MYT1L: variants seen among roughly 807,000 people sequenced by gnomAD.
MYT1L encodes myelin transcription factor 1 like, also known as myelin transcription factor 1-like protein.
A neutral mutation model predicts 126.7 loss-of-function variants in MYT1L; 12 were observed. The observed-to-expected ratio is 0.09, with a 90% CI of 0.06 to 0.15. The LOEUF is 0.15. Ranked by LOEUF, MYT1L falls within the 10% of genes least tolerant of loss-of-function variation. The probability of loss-of-function intolerance (pLI) is 1.00; values close to 1 mark genes in which losing one functional copy is unlikely to be tolerated. For synonymous variants in MYT1L, 541 were observed against 604.2 expected (o/e 0.90, Z 1.53); for missense variants, 979 against 1,585.2 (o/e 0.62, Z 6.49).
intron 1 of MYT1L, among the ~76,000 whole-genome samples, chr2:2,295,007 AC>A: frequency 6.6e-6 from 1 of 152,212 alleles, no homozygotes; most frequent in Middle Eastern, 3.4e-3. Context: ...TCAGGCAGAG[AC>A]CGGATCAGCA....
At chr2:2,045,668 TA>T (rs2068092688) in intron 4 of MYT1L, among the ~76,000 whole-genome samples, 1 of 152,220 alleles carries the variant, frequency 6.6e-6, no homozygotes, top group South Asian at 2.1e-4. Flanking sequence ...CATGTAGTTG[TA>T]CTGTGAATGC....
intron 19 of MYT1L, among the ~76,000 whole-genome samples, chr2:1,849,068 TAA>T (rs977410434): frequency 3.9e-5 from 6 of 151,940 alleles, no homozygotes; most frequent in Non-Finnish European, 7.4e-5. Flanking sequence ...TGTGCTATAT[TAA>T]GACTTAACAG....
intron 3 of MYT1L, among the ~76,000 whole-genome samples, chr2:2,138,785 G>GTATACA (rs1422369294): frequency 1.4e-5 from 2 of 148,046 alleles, no homozygotes; most frequent in African/African-American, 5.0e-5. Context: ...CATGGCACAT[G>GTATACA]TATACATATG....
Position 1,979,647 on chromosome 2 carries a change from G to A in MYT1L, c.55+76C>T, listed in dbSNP as rs1251266183. 6.2e-7 allele frequency: 1 copy of A among 1,604,174 alleles called. No homozygotes were observed. ...ACCAAAAGGGTGGCATGAAAGTGGG[G>A]TCAGAATCGACCTCAGTTCCGCAGG... On this transcript the variant is annotated intron_variant, in intron 6 of 24. Coordinates refer to ENST00000647738, the MANE Select transcript of MYT1L (RefSeq NM_001303052.2). The surrounding 1 kb of genome is among the most constrained non-coding windows in gnomAD (Gnocchi z 4.0).
chr2:2,210,547 A>G (rs2093469379), intron 2 of MYT1L, among the ~76,000 whole-genome samples: 2 of 151,922 alleles, frequency 1.3e-5, no homozygotes, highest in South Asian at 2.1e-4. Context: ...AGGTATAAGG[A>G]TTTGCTTCTG....
chr2:2,256,797 T>C (rs1027514503), intron 2 of MYT1L, among the ~76,000 whole-genome samples: 3 of 152,238 alleles, frequency 2.0e-5, no homozygotes, highest in Admixed American at 2.0e-4. Context: ...GCAGTCACTA[T>C]GTCAGCAGTG....
chr2:1,859,123 G>C (rs558477206), intron 18 of MYT1L, among the ~76,000 whole-genome samples: 25 of 152,248 alleles, frequency 1.6e-4, no homozygotes, highest in Middle Eastern at 6.8e-3. Flanking sequence ...CTCCCATTCG[G>C]CTTGGTTTCC....
chr2:2,024,179 C>T (rs1367138096), intron 4 of MYT1L, among the ~76,000 whole-genome samples: 2 of 152,118 alleles, frequency 1.3e-5, no homozygotes, highest in African/African-American at 4.8e-5. Context: ...CAAAAGGCAC[C>T]CATTCAAGAT....
At chr2:1,819,630 C>T (rs1476420609) in intron 21 of MYT1L, among the ~76,000 whole-genome samples, 1 of 152,228 alleles carries the variant, frequency 6.6e-6, no homozygotes, top group South Asian at 2.1e-4. Flanking sequence ...CGGGCAGAGG[C>T]CCCTGTGAAT....
intron 2 of MYT1L, among the ~76,000 whole-genome samples, chr2:2,180,473 C>T (rs549236144): frequency 2.0e-4 from 31 of 152,068 alleles, no homozygotes; most frequent in African/African-American, 7.5e-4. Flanking sequence ...AGAGACAACT[C>T]GATGTGGGTG....
intron 4 of MYT1L, among the ~76,000 whole-genome samples, chr2:2,009,777 T>C (rs1169998392): frequency 6.6e-6 from 1 of 152,232 alleles, no homozygotes; most frequent in African/African-American, 2.4e-5. Flanking sequence ...GCATCTCTGC[T>C]TTCTACTGGA....
At chr2:2,279,484 G>A (rs971863354) in intron 2 of MYT1L, among the ~76,000 whole-genome samples, 1 of 151,460 alleles carries the variant, frequency 6.6e-6, no homozygotes, top group Non-Finnish European at 1.5e-5. Context: ...AGTCCAGGAG[G>A]AAGGAAGAAA....
intron 3 of MYT1L, among the ~76,000 whole-genome samples, chr2:2,170,538 T>C (rs780972042): frequency 6.6e-5 from 10 of 152,262 alleles, no homozygotes; most frequent in Non-Finnish European, 1.5e-4. Context: ...CCACCAGGTC[T>C]ATGTAACACG....
In MYT1L at chr2:1,801,755, T is replaced by C; in HGVS notation, c.3217A>G (p.Lys1073Glu). The C allele has an allele frequency of 6.2e-7, 1 of 1,612,174 alleles. No individual in the cohort carries two copies. The highest frequency in any genetic ancestry group is 8.5e-7 in the Non-Finnish European group (1 of 1,178,810). ...EEIKQLDEEIKELNESNSQME... is the reference protein window; with the variant it reads ...EEIKQLDEEIEELNESNSQME... ...TGGGAATTGGATTCATTTAGCTCCT[T>C]GATTTCTTCATCTAACTGTTTGATT... Residue 1073 changes from lysine to glutamate, a missense_variant, in exon 23 of 25, where the codon AAG (lysine) becomes GAG (glutamate). Coordinates refer to ENST00000647738, the MANE Select transcript of MYT1L (RefSeq NM_001303052.2). The surrounding 1 kb of genome is among the most constrained non-coding windows in gnomAD (Gnocchi z 4.2).
At chr2:1,956,272 C>T (rs2058371400) in intron 8 of MYT1L, among the ~76,000 whole-genome samples, 1 of 140,746 alleles carries the variant, frequency 7.1e-6, no homozygotes, top group Non-Finnish European at 1.5e-5. Flanking sequence ...TTCTATCTGT[C>T]TATCTACCTA....
chr2:1,876,639 T>C (rs1044686779), intron 18 of MYT1L, among the ~76,000 whole-genome samples: 3 of 152,098 alleles, frequency 2.0e-5, no homozygotes, highest in Non-Finnish European at 2.9e-5. Context: ...CGTGCCGCCA[T>C]TGAAACCTCA....
chr2:2,104,685 G>C (rs1328603820), intron 3 of MYT1L, among the ~76,000 whole-genome samples: 2 of 152,202 alleles, frequency 1.3e-5, no homozygotes, highest in African/African-American at 4.8e-5. Flanking sequence ...TCCCTCTCCA[G>C]TTGTAACAAC....
chr2:2,009,898 GT>G (rs147372422), intron 4 of MYT1L, among the ~76,000 whole-genome samples: 10,813 of 114,216 alleles, frequency 0.095, 431 homozygotes, highest in African/African-American at 0.15. Context: ...ACTGTTAAGA[GT>G]TTTTTTTTTT....
chr2:2,102,370 A>G (rs1158737402), intron 3 of MYT1L, among the ~76,000 whole-genome samples: 2 of 152,194 alleles, frequency 1.3e-5, no homozygotes, highest in Admixed American at 6.5e-5. Flanking sequence ...TTTATAGGTA[A>G]GTTGTTTACA....
Sources: allele counts gnomAD v4.1 joint callset (sites outside exome capture counted in the v4.1 genomes callset), GRCh38; gene constraint gnomAD v4.1.1; non-coding constraint Gnocchi (gnomAD v3.1); transcripts MANE v1.5; gene names NCBI Gene and HGNC (gene_info 2026-07-23, HGNC 2026-07-21).